GPR158: variants seen among roughly 807,000 people sequenced by gnomAD.
GPR158 encodes the protein metabotropic glycine receptor.
GPR158 carries 30 observed loss-of-function variants against 78.2 expected under a neutral mutation model. The observed-to-expected ratio is 0.38, with a 90% CI of 0.29 to 0.52. GPR158 has a LOEUF of 0.52. Among genes scored for constraint, GPR158 ranks in the 20% least tolerant of loss-of-function variants. The pLI, the probability that GPR158 is intolerant of heterozygous loss-of-function variation, is 0.83. For missense variants in GPR158, 1,463 were observed against 1,523.5 expected (o/e 0.96, Z 0.66); for synonymous variants, 581 against 591.1 (o/e 0.98, Z 0.25).
intron 5 of GPR158, among the ~76,000 whole-genome samples, chr10:25,548,930 G>A (rs975351755): frequency 1.3e-5 from 2 of 152,142 alleles, no homozygotes; most frequent in South Asian, 4.2e-4. Flanking sequence ...AAGTTTGAAG[G>A]TATATCAGTA....
At chr10:25,568,603 A>G (rs541641706) in intron 6 of GPR158, among the ~76,000 whole-genome samples, 2 of 152,314 alleles carry the variant, frequency 1.3e-5, no homozygotes, top group East Asian at 3.9e-4. Flanking sequence ...CCCAAGTACA[A>G]GTTCTTATGG....
At chr10:25,311,048 C>T (rs1854757129) in intron 2 of GPR158, among the ~76,000 whole-genome samples, 1 of 151,978 alleles carries the variant, frequency 6.6e-6, no homozygotes, top group Non-Finnish European at 1.5e-5. Context: ...TTTTGTTCCT[C>T]AGTCTCTTAT....
intron 2 of GPR158, among the ~76,000 whole-genome samples, chr10:25,358,733 C>G (rs899548300): frequency 6.6e-6 from 1 of 152,040 alleles, no homozygotes; most frequent in Admixed American, 6.6e-5. Context: ...CAGACTAATA[C>G]AAGTATGTTG....
intron 2 of GPR158, among the ~76,000 whole-genome samples, chr10:25,366,247 C>A (rs1855722223): frequency 6.6e-6 from 1 of 151,310 alleles, no homozygotes; most frequent in Non-Finnish European, 1.5e-5. Flanking sequence ...TGGGTACATA[C>A]CTAGGATTCA....
In GPR158 at chr10:25,580,965, C is replaced by T. The variant is rs544742066; in HGVS notation, c.1754-8042C>T. Among the ~76,000 whole-genome samples, 313 of 125,602 alleles carry T rather than the reference C, an allele frequency of 2.5e-3. 8 individuals carry two copies. Among genetic ancestry groups the T allele is most frequent in the African/African-American group, 9.6e-3 (302 of 31,306 alleles). The allele number at this position is 125,602 out of a possible 152,430, so 82.4% of individuals were successfully genotyped here. A position where few individuals can be genotyped will look rare whatever the true frequency, so the allele number is the denominator to read the frequency against. ...CGGAGTCTCGCTCTGTTGCCCAGGC[C>T]AGACTGCGGACTGCAGTGGCGCAAT... On this transcript the variant is annotated intron_variant, in intron 7 of 10. Coordinates refer to ENST00000376351, the MANE Select transcript of GPR158 (RefSeq NM_020752.3).
chr10:25,272,685 G>A (rs1260575733), intron 2 of GPR158, among the ~76,000 whole-genome samples: 1 of 152,164 alleles, frequency 6.6e-6, no homozygotes, highest in Non-Finnish European at 1.5e-5. Flanking sequence ...AAAATGGAAT[G>A]GAAATAGAAA....
At position 25,176,341 on chromosome 10, in the gene GPR158, C is replaced by G; in HGVS notation, c.902+19C>G. On this transcript the variant is annotated intron_variant, in intron 1 of 10. Transcript: ENST00000376351. The surrounding 1 kb of genome is among the most constrained non-coding windows in gnomAD (Gnocchi z 6.3). ...AATTCAGGTAGGGAGGGCCGGGGGG[C>G]AGGGGGGAAGGCAAAAGCGAAGCTT... 1 of 1,538,252 alleles carries G rather than the reference C, an allele frequency of 6.5e-7. No homozygotes were observed. The highest frequency in any genetic ancestry group is 2.0e-5 in the Admixed American group (1 of 51,104).
chr10:25,300,274 T>G (rs1388077123), intron 2 of GPR158, among the ~76,000 whole-genome samples: 1 of 152,198 alleles, frequency 6.6e-6, no homozygotes, highest in East Asian at 1.9e-4. Context: ...TTACGTTCCA[T>G]GGCTTCTGGC....
chr10:25,195,097 T>A (rs1303683126), intron 1 of GPR158, among the ~76,000 whole-genome samples: 1 of 152,030 alleles, frequency 6.6e-6, no homozygotes, highest in East Asian at 1.9e-4. Context: ...TTTGTGCATA[T>A]CTCCATCAAG....
intron 2 of GPR158, among the ~76,000 whole-genome samples, chr10:25,242,087 C>T (rs761566941): frequency 8.5e-5 from 13 of 152,156 alleles, no homozygotes; most frequent in Non-Finnish European, 1.3e-4. Flanking sequence ...TTCAAAGGAC[C>T]TCTCAGTAGC....
chr10:25,371,299 G>A (rs924063181), intron 2 of GPR158, among the ~76,000 whole-genome samples: 11 of 151,798 alleles, frequency 7.2e-5, no homozygotes, highest in African/African-American at 2.4e-4. Flanking sequence ...TTTTGCAGTG[G>A]CTGGTACCAG....
rs1363854078 is a variant in GPR158 at position 25,369,294 on chromosome 10, G to A, written c.1009-26617G>A. ...GTTTTTGCCCATTCAGTATGATATT[G>A]GCTGTGGGTTTGTCATAGATAGCTC... is the stretch of plus-strand genomic sequence containing the variant. On this transcript the variant is annotated intron_variant, in intron 2 of 10. Coordinates refer to ENST00000376351, the MANE Select transcript of GPR158 (RefSeq NM_020752.3). Among the ~76,000 whole-genome samples, 660 of 150,406 alleles carry A rather than the reference G, an allele frequency of 4.4e-3. 8 individuals are homozygous for A. The highest frequency in any genetic ancestry group is 0.016 in the African/African-American group (623 of 40,068).
chr10:25,560,818 G>A (rs144535498), intron 6 of GPR158, among the ~76,000 whole-genome samples: 24 of 152,222 alleles, frequency 1.6e-4, no homozygotes, highest in Middle Eastern at 3.4e-3. Context: ...TATAAAATTA[G>A]ATGGAAACTT....
chr10:25,393,028 G>T (rs1834321891), intron 2 of GPR158, among the ~76,000 whole-genome samples: 1 of 152,096 alleles, frequency 6.6e-6, no homozygotes, highest in African/African-American at 2.4e-5. Context: ...CAAGTTTGAG[G>T]TAGCTAATAA....
chr10:25,360,578 T>C (rs987401445), intron 2 of GPR158, among the ~76,000 whole-genome samples: 1 of 152,186 alleles, frequency 6.6e-6, no homozygotes, highest in Non-Finnish European at 1.5e-5. Flanking sequence ...TGGCATTATT[T>C]CTGAAGCCTC....
intron 5 of GPR158, among the ~76,000 whole-genome samples, chr10:25,487,426 A>G (rs1221788072): frequency 6.6e-6 from 1 of 152,204 alleles, no homozygotes; most frequent in Non-Finnish European, 1.5e-5. Flanking sequence ...TTGGCCGTAA[A>G]TACCAGGCCC....
chr10:25,547,792 A>G (rs1026172648), intron 5 of GPR158, among the ~76,000 whole-genome samples: 2 of 152,084 alleles, frequency 1.3e-5, no homozygotes, highest in Admixed American at 6.6e-5. Context: ...TCTTTGCCCT[A>G]TTTCCCTTCA....
intron 7 of GPR158, among the ~76,000 whole-genome samples, chr10:25,581,638 G>A (rs941113775): frequency 6.6e-6 from 1 of 152,178 alleles, no homozygotes; most frequent in Non-Finnish European, 1.5e-5. Context: ...ACCTCCCACA[G>A]CAGTCTTCGT....
intron 2 of GPR158, among the ~76,000 whole-genome samples, chr10:25,328,429 A>G (rs1855066466): frequency 6.6e-6 from 1 of 152,148 alleles, no homozygotes; most frequent in African/African-American, 2.4e-5. Context: ...GTTAGTTCCA[A>G]TATAATATAT....
Sources: allele counts gnomAD v4.1 joint callset (sites outside exome capture counted in the v4.1 genomes callset), GRCh38; gene constraint gnomAD v4.1.1; non-coding constraint Gnocchi (gnomAD v3.1); transcripts MANE v1.5; gene names NCBI Gene and HGNC (gene_info 2026-07-23, HGNC 2026-07-21).